The following WTIP variants were observed in gnomAD, a reference collection of about 807,000 sequenced individuals.
WTIP encodes Wilms tumor protein 1-interacting protein.
In WTIP, 23 loss-of-function variants were observed where a neutral mutation model predicts 41.7. The ratio of observed to expected loss-of-function variants is 0.55; its 90% CI spans 0.40 to 0.78. The LOEUF (loss-of-function observed/expected upper bound fraction) is 0.78. Ranked by LOEUF, WTIP falls within the 30% of genes least tolerant of loss-of-function variation. The pLI, the probability that WTIP is intolerant of heterozygous loss-of-function variation, is 0.00. For synonymous variants in WTIP, 314 were observed against 269.9 expected (o/e 1.16, Z -1.60); for missense variants, 619 against 610.5 (o/e 1.01, Z -0.15).
intron 1 of WTIP, among the ~76,000 whole-genome samples, chr19:34,483,020 T>A (rs578120288): frequency 3.2e-4 from 48 of 148,550 alleles, no homozygotes; most frequent in African/African-American, 1.2e-3. Flanking sequence ...TTTTTTTTTT[T>A]TTGAGACAGG....
At chr19:34,488,983 A>C (rs946683927) in intron 1 of WTIP, among the ~76,000 whole-genome samples, 2 of 150,816 alleles carry the variant, frequency 1.3e-5, no homozygotes, top group Non-Finnish European at 2.9e-5. Context: ...GAATCACCTG[A>C]GGTCAGGAAT....
chr19:34,498,943 C>CA (rs1441569209), intron 7 of WTIP, among the ~76,000 whole-genome samples: 1 of 152,002 alleles, frequency 6.6e-6, no homozygotes, highest in East Asian at 1.9e-4. Context: ...TGCGGTGGCT[C>CA]ACGCCTACAA....
intron 1 of WTIP, among the ~76,000 whole-genome samples, chr19:34,484,588 T>C (rs902090774): frequency 6.6e-6 from 1 of 152,050 alleles, no homozygotes; most frequent in South Asian, 2.1e-4. Flanking sequence ...AGGGCATGCT[T>C]TCCAGTGCCC....
Position 34,500,322 on chromosome 19 carries a change from C to A in WTIP, c.*53C>A. 1.3e-6 allele frequency: 2 copies of A among 1,501,804 alleles called. No individual in the cohort carries two copies. The highest frequency in any genetic ancestry group is 8.9e-7 in the Non-Finnish European group (1 of 1,122,866). The allele number at this position is 1,501,804 out of a possible 1,614,324, so 93.0% of individuals were successfully genotyped here. On this transcript the variant is annotated 3_prime_UTR_variant, in exon 8 of 8. Coordinates refer to ENST00000590071, the MANE Select transcript of WTIP (RefSeq NM_001080436.2). The stretch of plus-strand genomic sequence containing the variant: ...GGTGGGTGTGGGTGTGGAGGGAGGG[C>A]CCGCGTGGGTGGCCCTGGTCAGCGT...
At chr19:34,495,325 A>C (rs2075847238) in intron 6 of WTIP, among the ~76,000 whole-genome samples, 1 of 152,068 alleles carries the variant, frequency 6.6e-6, no homozygotes, top group Admixed American at 6.6e-5. Flanking sequence ...TGAGCCCAGG[A>C]GTTTGAGGCC....
chr19:34,489,418 A>G, intron 1 of WTIP, among the ~76,000 whole-genome samples: 1 of 151,828 alleles, frequency 6.6e-6, no homozygotes, highest in Non-Finnish European at 1.5e-5. Context: ...TGGCATACAG[A>G]GGAGGACAGA....
intron 1 of WTIP, among the ~76,000 whole-genome samples, chr19:34,487,944 C>A (rs185190553): frequency 1.6e-3 from 248 of 152,316 alleles, no homozygotes; most frequent in African/African-American, 5.1e-3. Context: ...CCAGGCTTGG[C>A]CCTGGCGTTG....
chr19:34,497,228 G>C (rs1467599051), intron 7 of WTIP, among the ~76,000 whole-genome samples: 1 of 152,126 alleles, frequency 6.6e-6, no homozygotes, highest in Non-Finnish European at 1.5e-5. Context: ...TCAACTCAAG[G>C]AGACCACGGG....
At chr19:34,485,595 AT>A (rs780006743) in intron 1 of WTIP, among the ~76,000 whole-genome samples, 670 of 142,394 alleles carry the variant, frequency 4.7e-3, no homozygotes, top group African/African-American at 5.3e-3. Context: ...TTTTAAATTA[AT>A]TTTTTTTTTT....
At chr19:34,490,321 G>A in intron 1 of WTIP, 55 bp from the exon 2 acceptor site, 4 of 1,551,690 alleles carry the variant, frequency 2.6e-6, no homozygotes, top group South Asian at 2.2e-5. Context: ...GAGTCCGTCG[G>A]TGTGGCATAG....
rs1303582431 is a variant in WTIP at position 34,481,929 on chromosome 19, G to A, written c.-46G>A. 2.0e-6 allele frequency: 2 copies of A among 979,770 alleles called. No individual in the cohort carries two copies. The highest frequency in any genetic ancestry group is 2.4e-6 in the Non-Finnish European group (2 of 825,000). 60.7% of individuals were successfully genotyped at this position (979,770 alleles called of 1,614,324 possible). A position where few individuals can be genotyped will look rare whatever the true frequency, so the allele number is the denominator to read the frequency against. ...GCGGCGGCCCGGCCGGAGCGGCGGC[G>A]GGAAGCGGAGGCGGAGGTGACGCGC... On this transcript the variant is annotated 5_prime_UTR_variant, in exon 1 of 8. Transcript: ENST00000590071.
chr19:34,497,670 G>A (rs1422467243), intron 7 of WTIP, among the ~76,000 whole-genome samples: 1 of 152,198 alleles, frequency 6.6e-6, no homozygotes, highest in Non-Finnish European at 1.5e-5. Flanking sequence ...AGAGCAAGTG[G>A]CGGTGGGGAA....
At position 34,482,175 on chromosome 19, in the gene WTIP, C is replaced by T. The variant is rs2075770476; in HGVS notation, c.201C>T (p.Ser67=). The change falls in exon 1 of 8, where the codon AGC becomes AGT. Residue 67 remains serine, a synonymous_variant. Coordinates refer to ENST00000590071, the MANE Select transcript of WTIP (RefSeq NM_001080436.2). ...GGPEAGADGL[S]RGERGPRRAA... ...CCGAGGCCGGGGCGGACGGACTGAG[C>T]CGCGGGGAGCGGGGTCCCCGGCGCG... 1.8e-6 allele frequency: 2 copies of T among 1,091,386 alleles called. No individual in the cohort carries two copies. Among genetic ancestry groups the T allele is most frequent in the African/African-American group, 1.7e-5 (1 of 59,416 alleles). 67.6% of individuals were successfully genotyped at this position (1,091,386 alleles called of 1,614,324 possible).
At chr19:34,498,193 G>A (rs922555911) in intron 7 of WTIP, among the ~76,000 whole-genome samples, 6 of 152,152 alleles carry the variant, frequency 3.9e-5, no homozygotes, top group Admixed American at 6.5e-5. Context: ...ACGGGTCAAA[G>A]CCGCCAGCAT....
rs2075770638 is a variant in WTIP, at chr19:34,482,199, C to T, written c.225C>T (p.Arg75=). The T allele has an allele frequency of 4.5e-6, 5 of 1,115,236 alleles. No homozygotes were observed. The highest frequency in any genetic ancestry group is 5.0e-5 in the Admixed American group (1 of 19,818). The allele number at this position is 1,115,236 out of a possible 1,614,324, so 69.1% of individuals were successfully genotyped here. The change falls in exon 1 of 8, where the codon CGC becomes CGT. Residue 75 remains arginine (R), a synonymous_variant. Coordinates refer to ENST00000590071, the MANE Select transcript of WTIP (RefSeq NM_001080436.2). ...GCCGCGGGGAGCGGGGTCCCCGGCGCGCGGCGGTTCCGGAGCTCAGCGCGC... is the reference window on the plus strand; with the variant it reads ...GCCGCGGGGAGCGGGGTCCCCGGCGTGCGGCGGTTCCGGAGCTCAGCGCGC... ...GLSRGERGPR[R]AAVPELSAQP... is the part of the protein sequence containing the mutation.
chr19:34,495,856 C>T lies in WTIP; in HGVS notation c.1152+85C>T, dbSNP rs1427722195. On this transcript the variant is annotated intron_variant, in intron 7 of 7. Coordinates refer to ENST00000590071, the MANE Select transcript of WTIP (RefSeq NM_001080436.2). ...CTCTCTGGGTGTTCTGTGGGCTTACCTTATCAAAATTTTAGTTTTGCCAGG... is the reference window on the plus strand; with the variant it reads ...CTCTCTGGGTGTTCTGTGGGCTTACTTTATCAAAATTTTAGTTTTGCCAGG... 1.0e-5 allele frequency: 15 copies of T among 1,435,938 alleles called. No individual in the cohort carries two copies. In the Admixed American group the frequency reaches 2.8e-4, roughly 27 times the overall value. The allele number at this position is 1,435,938 out of a possible 1,614,324, so 88.9% of individuals were successfully genotyped here.
At chr19:34,487,208 G>A (rs564168744) in intron 1 of WTIP, among the ~76,000 whole-genome samples, 28 of 149,862 alleles carry the variant, frequency 1.9e-4, no homozygotes, top group Non-Finnish European at 3.7e-4. Context: ...AGATGCAAGC[G>A]ATTCTCCCAC....
rs1048658097 is a variant in WTIP, at chr19:34,482,351, C to G, written c.377C>G (p.Ser126Trp). The change falls in exon 1 of 8, where the codon TCG becomes TGG. Residue 126 changes from serine to tryptophan, a missense_variant. This residue lies in a region of WTIP where 363 missense variants were observed against 309.0 expected (regional missense o/e 1.17). Transcript: ENST00000590071. ...QRHGSPRSGR[S>W]DPRPGPGPPS... ...CACGGCAGCCCGCGCTCCGGTCGCT[C>G]GGACCCGCGTCCCGGTCCCGGGCCG... 4 of 1,386,172 alleles carry G rather than the reference C, an allele frequency of 2.9e-6. No individual in the cohort carries two copies. Among genetic ancestry groups the G allele is most frequent in the Admixed American group, 2.8e-5 (1 of 36,204 alleles). 85.9% of individuals were successfully genotyped at this position (1,386,172 alleles called of 1,614,324 possible).
At position 34,510,436 on chromosome 19, in the gene WTIP, C is replaced by T. The variant is rs1008774479; in HGVS notation, c.*10167C>T. The T allele has an allele frequency of 6.6e-6, 1 of 152,296 alleles. No individual in the cohort carries two copies. The highest frequency in any genetic ancestry group is 6.5e-5 in the Admixed American group (1 of 15,280). The allele number at this position is 152,296 out of a possible 1,614,324, so 9.4% of individuals were successfully genotyped here. ...GGGACACAAGGCAGCAAGTCCTAGG[C>T]TGCACACAACATGGGGACTTTGGGT... On this transcript the variant is annotated 3_prime_UTR_variant, in exon 8 of 8. Transcript: ENST00000590071.
Sources: gnomAD v4.1 joint callset for allele counts (sites outside exome capture counted in the v4.1 genomes callset) on GRCh38, gnomAD v4.1.1 for gene constraint, gnomAD v4.1.1 regional missense constraint, MANE v1.5 for transcripts, NCBI Gene and HGNC (gene_info 2026-07-23, HGNC 2026-07-21) for gene names.